Variants in UNC13C observed in about 807,000 individuals in gnomAD.
UNC13C encodes the protein unc-13 homolog C.
Under a neutral mutation model 245.4 loss-of-function variants are expected in UNC13C, and 174 were observed. That is an observed-to-expected ratio of 0.71 (90% CI 0.63 to 0.80). The LOEUF is 0.80. UNC13C is among the 30% of genes least tolerant of loss of function. UNC13C has a pLI of 0.00. For missense variants in UNC13C, 2,829 were observed against 2,602.9 expected, an observed-to-expected ratio of 1.09 and a Z score of -1.89; for synonymous variants, 992 against 895.1, an observed-to-expected ratio of 1.11 and a Z score of -1.93.
intron 2 of UNC13C, among the ~76,000 whole-genome samples, chr15:54,118,299 C>T (rs751085211): frequency 2.6e-5 from 4 of 151,850 alleles, no homozygotes; most frequent in African/African-American, 4.8e-5. Context: ...ATGGAATATC[C>T]ACTTTCTTGT....
chr15:53,850,001 T>A, the UNC13C span, among the ~76,000 whole-genome samples: 1 of 152,246 alleles, frequency 6.6e-6, no homozygotes, highest in African/African-American at 2.4e-5. Flanking sequence ...TGTCTGTAGA[T>A]ACAAGTTTCT....
intron 2 of UNC13C, among the ~76,000 whole-genome samples, chr15:54,101,027 T>G (rs1478264083): frequency 1.3e-5 from 2 of 152,222 alleles, no homozygotes; most frequent in Non-Finnish European, 2.9e-5. Context: ...CCATTTCAAT[T>G]TTTTAATAAT....
At chr15:53,903,145 C>T in the UNC13C span, among the ~76,000 whole-genome samples, 1 of 152,188 alleles carries the variant, frequency 6.6e-6, no homozygotes, top group Non-Finnish European at 1.5e-5. Flanking sequence ...AATTCAAATA[C>T]ATTATGGTGA....
chr15:54,448,672 G>A (rs954388747), intron 19 of UNC13C, among the ~76,000 whole-genome samples: 1 of 152,158 alleles, frequency 6.6e-6, no homozygotes, highest in Non-Finnish European at 1.5e-5. Context: ...GTGTGTCTCT[G>A]CACGTGTGAT....
chr15:54,504,483 A>G (rs944087996), intron 22 of UNC13C, among the ~76,000 whole-genome samples: 2 of 152,228 alleles, frequency 1.3e-5, no homozygotes, highest in African/African-American at 4.8e-5. Context: ...TGATATAGAT[A>G]GAATCAACCA....
Position 54,014,770 on chromosome 15 carries a change from GA to G in UNC13C, c.1870del (p.Thr624LeufsTer6). 6.2e-7 allele frequency: 1 copy of G among 1,613,856 alleles called. No homozygotes were observed. The highest frequency in any genetic ancestry group is 8.5e-7 in the Non-Finnish European group (1 of 1,179,818). ...IQGQTETENT[E>X]TVDSGMSNGM... ...AGGGCAGACTGAAACTGAAAACACAGAAACTGTGGATAGTGGAATGAGTAAT... is the reference window on the plus strand; with the variant it reads ...AGGGCAGACTGAAACTGAAAACACAGAACTGTGGATAGTGGAATGAGTAAT... On this transcript the variant is annotated frameshift_variant, in exon 2 of 33. Coordinates refer to ENST00000260323, the MANE Select transcript of UNC13C (RefSeq NM_001080534.3). LOFTEE classifies it high-confidence loss of function.
intron 17 of UNC13C, among the ~76,000 whole-genome samples, chr15:54,388,829 A>T (rs566781553): frequency 6.6e-6 from 1 of 151,974 alleles, no homozygotes; most frequent in African/African-American, 2.4e-5. Flanking sequence ...ATATACTGGA[A>T]TTTTTTTTGA....
chr15:54,061,809 A>G (rs1243243591), intron 2 of UNC13C, among the ~76,000 whole-genome samples: 1 of 152,212 alleles, frequency 6.6e-6, no homozygotes, highest in African/African-American at 2.4e-5. Context: ...GGAGAAAAGA[A>G]GGAAAAGGGA....
chr15:54,382,510 A>G (rs1167110727), intron 17 of UNC13C, among the ~76,000 whole-genome samples: 1 of 152,024 alleles, frequency 6.6e-6, no homozygotes, highest in African/African-American at 2.4e-5. Context: ...CCAGAAAGTT[A>G]AGGTTGCAGT....
At chr15:53,907,930 GT>G in the UNC13C span, among the ~76,000 whole-genome samples, 1 of 146,250 alleles carries the variant, frequency 6.8e-6, no homozygotes, top group African/African-American at 2.4e-5. Flanking sequence ...TTTGTTTCTG[GT>G]TTTATTCTAG....
At chr15:54,422,958 TAC>T (rs35647420) in intron 19 of UNC13C, among the ~76,000 whole-genome samples, 250 of 145,926 alleles carry the variant, frequency 1.7e-3, no homozygotes, top group African/African-American at 3.8e-3. Context: ...AGCAATATAG[TAC>T]ACACACACAC....
intron 5 of UNC13C, 46 bp from the exon 6 acceptor site, chr15:54,236,384 A>G (rs1174078753): frequency 2.7e-6 from 4 of 1,491,880 alleles, no homozygotes; most frequent in Middle Eastern, 2.0e-4. Flanking sequence ...CCTTTCATGT[A>G]TCTAATTATT....
the UNC13C span, among the ~76,000 whole-genome samples, chr15:53,946,449 TTG>T: frequency 0.36 from 46,518 of 128,730 alleles, 7,365 homozygotes; most frequent in East Asian, 0.4. Context: ...GTTCTTTTTT[TTG>T]TTTTTTTTTT....
At chr15:54,301,650 G>A (rs377410039) in intron 13 of UNC13C, among the ~76,000 whole-genome samples, 1 of 152,086 alleles carries the variant, frequency 6.6e-6, no homozygotes, top group Non-Finnish European at 1.5e-5. Flanking sequence ...AGTATTCCAT[G>A]GTGCATATGT....
intron 17 of UNC13C, among the ~76,000 whole-genome samples, chr15:54,340,137 T>C (rs1398974012): frequency 1.3e-5 from 2 of 152,124 alleles, no homozygotes; most frequent in Non-Finnish European, 2.9e-5. Context: ...TGATAAGATT[T>C]TTTTTCTTAC....
intron 14 of UNC13C, among the ~76,000 whole-genome samples, chr15:54,325,128 A>G (rs1177174453): frequency 6.6e-6 from 1 of 152,062 alleles, no homozygotes; most frequent in African/African-American, 2.4e-5. Context: ...TTCCATAAAT[A>G]TGATACAGTC....
intron 7 of UNC13C, among the ~76,000 whole-genome samples, chr15:54,246,276 A>G (rs2035987959): frequency 6.6e-6 from 1 of 152,162 alleles, no homozygotes; most frequent in Non-Finnish European, 1.5e-5. Context: ...AGTGTAGTCT[A>G]TATGTTGTGC....
chr15:54,501,391 A>T (rs1310802558), intron 22 of UNC13C, among the ~76,000 whole-genome samples: 1 of 152,162 alleles, frequency 6.6e-6, no homozygotes, highest in African/African-American at 2.4e-5. Flanking sequence ...TCTGATTACA[A>T]ATCAACCAAT....
intron 19 of UNC13C, among the ~76,000 whole-genome samples, chr15:54,421,297 T>C (rs964902225): frequency 6.6e-6 from 1 of 151,950 alleles, no homozygotes; most frequent in Non-Finnish European, 1.5e-5. Flanking sequence ...GAGAATCTAA[T>C]AAAATATGTA....
Sources: gnomAD v4.1 joint callset for allele counts (sites outside exome capture counted in the v4.1 genomes callset) on GRCh38, gnomAD v4.1.1 for gene constraint, MANE v1.5 for transcripts, NCBI Gene and HGNC (gene_info 2026-07-23, HGNC 2026-07-21) for gene names.